The following ARHGAP44 variants were observed in gnomAD, a reference collection of about 807,000 sequenced individuals.
ARHGAP44 encodes Rho GTPase activating protein 44.
In ARHGAP44, 43 loss-of-function variants were observed where a neutral mutation model predicts 106.8. The ratio of observed to expected loss-of-function variants is 0.40; its 90% CI spans 0.32 to 0.52. The LOEUF (loss-of-function observed/expected upper bound fraction) is 0.52. Ranked by LOEUF, ARHGAP44 falls within the 20% of genes least tolerant of loss-of-function variation. The probability of loss-of-function intolerance (pLI) is 0.48; values close to 1 mark genes in which losing one functional copy is unlikely to be tolerated. For synonymous variants in ARHGAP44, 439 were observed against 410.3 expected, an observed-to-expected ratio of 1.07 and a Z score of -0.85; for missense variants, 866 against 1,050.5, an observed-to-expected ratio of 0.82 and a Z score of 2.43.
At chr17:12,800,909 A>G (rs2034072919) in intron 1 of ARHGAP44, among the ~76,000 whole-genome samples, 2 of 152,194 alleles carry the variant, frequency 1.3e-5, no homozygotes, top group South Asian at 4.1e-4. Context: ...GGTTTTAGAA[A>G]TGCTAATTAA....
chr17:12,816,690 T>C (rs756269812), intron 1 of ARHGAP44, among the ~76,000 whole-genome samples: 16 of 151,664 alleles, frequency 1.1e-4, no homozygotes, highest in Admixed American at 4.6e-4. Flanking sequence ...GATAAAAGAG[T>C]CAGTTTACCA....
At chr17:12,847,368 A>C (rs2035597786) in intron 1 of ARHGAP44, among the ~76,000 whole-genome samples, 1 of 152,110 alleles carries the variant, frequency 6.6e-6, no homozygotes, top group South Asian at 2.1e-4. Flanking sequence ...ATAAGCTACC[A>C]TTTATGATGC....
At chr17:12,951,279 A>G (rs1452638190) in intron 12 of ARHGAP44, among the ~76,000 whole-genome samples, 1 of 152,052 alleles carries the variant, frequency 6.6e-6, no homozygotes, top group African/African-American at 2.4e-5. Flanking sequence ...TGTTTCTCCT[A>G]TTTTACATTT....
rs756050704 is a variant in ARHGAP44 at position 12,990,372 on chromosome 17, C to T, written c.*201C>T. On this transcript the variant is annotated 3_prime_UTR_variant, in exon 21 of 21. Coordinates refer to ENST00000379672, the MANE Select transcript of ARHGAP44 (RefSeq NM_014859.6). ...TGGTGCAGGTTTTGTTTGTTCCTTT[C>T]GGGTGGTGACTTCGGCCTTTTGTTT... The T allele has an allele frequency of 7.4e-4, 480 of 645,956 alleles. 1 individual carries two copies. Among genetic ancestry groups the T allele is most frequent in the Non-Finnish European group, 4.9e-4 (193 of 394,778 alleles). 40.0% of individuals were successfully genotyped at this position (645,956 alleles called of 1,614,324 possible).
intron 4 of ARHGAP44, among the ~76,000 whole-genome samples, chr17:12,912,257 A>G (rs1458417338): frequency 6.6e-6 from 1 of 152,264 alleles, no homozygotes. Context: ...GGAAAGAAAT[A>G]GCCAGAGATC....
At chr17:12,970,564 G>T (rs539131229) in intron 16 of ARHGAP44, among the ~76,000 whole-genome samples, 37 of 152,230 alleles carry the variant, frequency 2.4e-4, no homozygotes, top group African/African-American at 8.7e-4. Flanking sequence ...ACTATAAAGG[G>T]ATCTAAAAGC....
In ARHGAP44 at chr17:12,906,308, G is replaced by A. The variant is rs188418914; in HGVS notation, c.199-2589G>A. 1.1e-3 allele frequency among the ~76,000 whole-genome samples: 173 copies of A among 152,302 alleles called. 2 individuals carry two copies. The highest frequency in any genetic ancestry group is 2.9e-3 in the African/African-American group (119 of 41,574). On this transcript the variant is annotated intron_variant, in intron 3 of 20. Coordinates refer to ENST00000379672, the MANE Select transcript of ARHGAP44 (RefSeq NM_014859.6). ...TTCCCCAACTCTCTGAACACCAGGT[G>A]TATGTCTTGCAATTTATTCTGACAC...
intron 20 of ARHGAP44, chr17:12,987,021 C>CTTTTTT: frequency 4.3e-6 from 4 of 925,360 alleles, no homozygotes; most frequent in Non-Finnish European, 4.7e-6. Context: ...ATTGGCATAG[C>CTTTTTT]TTTTTTTTTT....
Position 12,894,991 on chromosome 17 carries a change from A to C in ARHGAP44, c.93+12A>C, listed in dbSNP as rs745837959. On this transcript the variant is annotated intron_variant, in intron 2 of 20. Coordinates refer to ENST00000379672, the MANE Select transcript of ARHGAP44 (RefSeq NM_014859.6). ...AAGACCTTCTTCAGGTAAGGCGGCCATTGACACTGGCTCACAGATACCAGA... is the reference window on the plus strand; with the variant it reads ...AAGACCTTCTTCAGGTAAGGCGGCCCTTGACACTGGCTCACAGATACCAGA... 3 of 1,581,282 alleles carry C rather than the reference A, an allele frequency of 1.9e-6. No homozygotes were observed. The highest frequency in any genetic ancestry group is 2.6e-6 in the Non-Finnish European group (3 of 1,162,544).
intron 1 of ARHGAP44, among the ~76,000 whole-genome samples, chr17:12,834,890 T>A (rs1469392832): frequency 6.6e-6 from 1 of 152,228 alleles, no homozygotes; most frequent in Non-Finnish European, 1.5e-5. Context: ...TTTTATCCTA[T>A]AATTATATCT....
chr17:12,860,802 C>A (rs566177693), intron 1 of ARHGAP44, among the ~76,000 whole-genome samples: 1 of 151,830 alleles, frequency 6.6e-6, no homozygotes, highest in South Asian at 2.1e-4. Flanking sequence ...ATCATTGATT[C>A]ACGCAGAGCA....
intron 1 of ARHGAP44, among the ~76,000 whole-genome samples, chr17:12,802,259 G>T (rs2034115030): frequency 6.6e-6 from 1 of 152,168 alleles, no homozygotes. Context: ...AGCAGAAATA[G>T]ACTCTAGCTA....
At chr17:12,889,004 A>G (rs1220630093) in intron 1 of ARHGAP44, among the ~76,000 whole-genome samples, 2 of 152,148 alleles carry the variant, frequency 1.3e-5, no homozygotes, top group African/African-American at 4.8e-5. Context: ...TGTAGACACC[A>G]TATTTTTAAA....
intron 3 of ARHGAP44, among the ~76,000 whole-genome samples, chr17:12,899,590 A>T (rs1003940): frequency 0.14 from 21,584 of 151,380 alleles, 2,371 homozygotes; most frequent in East Asian, 0.33. Context: ...AAATAAAATG[A>T]AAAGGATCAG....
At chr17:12,985,038 G>A in intron 20 of ARHGAP44, 130 bp downstream of exon 20, 2 of 1,224,196 alleles carry the variant, frequency 1.6e-6, no homozygotes, top group South Asian at 1.6e-5. Flanking sequence ...CTGGCACCAG[G>A]GGTAGCTCAT....
At chr17:12,873,234 A>G (rs1390377407) in intron 1 of ARHGAP44, among the ~76,000 whole-genome samples, 1 of 152,160 alleles carries the variant, frequency 6.6e-6, no homozygotes, top group African/African-American at 2.4e-5. Context: ...CATTGCTGCT[A>G]AGGGACAGCT....
chr17:12,924,675 A>G (rs1039706992), intron 6 of ARHGAP44, among the ~76,000 whole-genome samples: 4 of 152,220 alleles, frequency 2.6e-5, no homozygotes, highest in African/African-American at 9.6e-5. Flanking sequence ...GGTCATAAGA[A>G]TGGGCCCCTA....
intron 16 of ARHGAP44, among the ~76,000 whole-genome samples, chr17:12,960,285 C>G (rs2039229487): frequency 6.6e-6 from 1 of 152,096 alleles, no homozygotes; most frequent in East Asian, 2.0e-4. Flanking sequence ...TTAAGACAGT[C>G]TCAGCTGGGC....
chr17:12,896,572 T>A, intron 3 of ARHGAP44, 61 bp downstream of exon 3: 1 of 1,409,968 alleles, frequency 7.1e-7, no homozygotes, highest in Non-Finnish European at 9.7e-7. Context: ...AGGTTCCTAC[T>A]CCTGTGACAC....
Sources: allele counts gnomAD v4.1 joint callset (sites outside exome capture counted in the v4.1 genomes callset), GRCh38; gene constraint gnomAD v4.1.1; transcripts MANE v1.5; gene names NCBI Gene and HGNC (gene_info 2026-07-23, HGNC 2026-07-21).